Variants in CDC42BPA observed in about 807,000 individuals in gnomAD.
The protein encoded by CDC42BPA is CDC42 binding protein kinase alpha, also known as serine/threonine-protein kinase MRCK alpha.
A neutral mutation model predicts 223.5 loss-of-function variants in CDC42BPA; 80 were observed. The observed-to-expected ratio is 0.36, with a 90% CI of 0.30 to 0.43. The LOEUF (loss-of-function observed/expected upper bound fraction) is 0.43, where lower values mean the gene tolerates loss of function less well. CDC42BPA is among the 20% of genes least tolerant of loss of function. The pLI, the probability that CDC42BPA is intolerant of heterozygous loss-of-function variation, is 1.00. For missense variants in CDC42BPA, 1,743 were observed against 2,099.9 expected (o/e 0.83, Z 3.32); for synonymous variants, 694 against 718.6 (o/e 0.97, Z 0.55).
chr1:227,118,617 C>T (rs1688140152), intron 12 of CDC42BPA, among the ~76,000 whole-genome samples: 1 of 152,116 alleles, frequency 6.6e-6, no homozygotes, highest in East Asian at 1.9e-4. Flanking sequence ...CATCCTCTTT[C>T]CAAAGGGTTA....
intron 5 of CDC42BPA, among the ~76,000 whole-genome samples, chr1:227,178,990 C>T (rs61522132): frequency 6.6e-6 from 1 of 152,068 alleles, no homozygotes; most frequent in East Asian, 1.9e-4. Context: ...ACCAGGCAGT[C>T]TACCTGGTTG....
intron 21 of CDC42BPA, among the ~76,000 whole-genome samples, chr1:227,058,255 A>G (rs1011354619): frequency 6.6e-6 from 1 of 152,236 alleles, no homozygotes; most frequent in Non-Finnish European, 1.5e-5. Flanking sequence ...ATTAAGCTGT[A>G]ATCCGAAAAT....
intron 12 of CDC42BPA, among the ~76,000 whole-genome samples, chr1:227,117,674 T>C (rs1687982835): frequency 6.6e-6 from 1 of 152,130 alleles, no homozygotes; most frequent in Admixed American, 6.6e-5. Context: ...ATAGTTGAGA[T>C]ACAGACCTAA....
At chr1:227,026,325 A>C (rs1668242798) in intron 30 of CDC42BPA, among the ~76,000 whole-genome samples, 173 bp from the exon 31 acceptor site, 1 of 152,206 alleles carries the variant, frequency 6.6e-6, no homozygotes, top group South Asian at 2.1e-4. Flanking sequence ...CATATATCGT[A>C]AATGAGGAAC....
chr1:227,247,194 T>C (rs1026868410), intron 2 of CDC42BPA, among the ~76,000 whole-genome samples: 1 of 142,264 alleles, frequency 7.0e-6, no homozygotes, highest in Non-Finnish European at 1.5e-5. Context: ...AGCGAGACTT[T>C]GTCTCAAAAA....
At chr1:227,241,883 G>A (rs944055510) in intron 2 of CDC42BPA, among the ~76,000 whole-genome samples, 1 of 152,038 alleles carries the variant, frequency 6.6e-6, no homozygotes, top group Non-Finnish European at 1.5e-5. Context: ...AGGTCTTCTT[G>A]GCATTATTAA....
intron 11 of CDC42BPA, among the ~76,000 whole-genome samples, chr1:227,128,524 T>C (rs1033100855): frequency 6.6e-6 from 1 of 152,120 alleles, no homozygotes; most frequent in Non-Finnish European, 1.5e-5. Context: ...TAATGTTGAA[T>C]CCCAAGAGCC....
At chr1:227,011,813 G>A (rs116735666) in intron 34 of CDC42BPA, among the ~76,000 whole-genome samples, 210 of 152,270 alleles carry the variant, frequency 1.4e-3, no homozygotes, top group African/African-American at 4.0e-3. Context: ...TCACTCAGTA[G>A]CCAGTCACCT....
intron 1 of CDC42BPA, among the ~76,000 whole-genome samples, chr1:227,276,256 C>A (rs1687003287): frequency 6.6e-6 from 1 of 151,852 alleles, no homozygotes; most frequent in African/African-American, 2.4e-5. Context: ...CGGCCGCGAC[C>A]CCGTCTGGGA....
intron 15 of CDC42BPA, among the ~76,000 whole-genome samples, chr1:227,092,251 T>C (rs938937946): frequency 1.3e-4 from 20 of 152,200 alleles, no homozygotes; most frequent in Admixed American, 6.5e-5. Flanking sequence ...AAGGAATTGT[T>C]GCAGGTCTTG....
At chr1:227,108,772 C>T (rs1387993964) in intron 14 of CDC42BPA, among the ~76,000 whole-genome samples, 3 of 152,212 alleles carry the variant, frequency 2.0e-5, no homozygotes, top group East Asian at 1.9e-4. Context: ...TATTGCTAAA[C>T]GACAGGGATA....
intron 5 of CDC42BPA, among the ~76,000 whole-genome samples, chr1:227,166,025 G>A (rs1333693184): frequency 1.3e-5 from 2 of 152,088 alleles, no homozygotes; most frequent in Non-Finnish European, 2.9e-5. Context: ...TCTGCAGTCC[G>A]CAATATATTT....
intron 14 of CDC42BPA, among the ~76,000 whole-genome samples, chr1:227,109,400 C>G (rs1335819307): frequency 2.6e-5 from 4 of 152,060 alleles, no homozygotes; most frequent in Non-Finnish European, 5.9e-5. Flanking sequence ...GAGTCTCACT[C>G]TGTCACCCAG....
At position 227,073,876 on chromosome 1, in the gene CDC42BPA, A is replaced by C. The variant is rs1678938254; in HGVS notation, c.2723T>G (p.Ile908Ser). Residue 908 changes from isoleucine (I) to serine (S), a missense_variant, in exon 19 of 37, where the codon ATC (isoleucine) becomes AGC (serine). Ile to Ser is a moderately radical substitution (Grantham distance 142, BLOSUM62 -2). Coordinates refer to ENST00000366766, the MANE Select transcript of CDC42BPA (RefSeq NM_001394014.1). ...GATTCAATCTTACCATTCTGTTATG[A>C]TATTAGATGCTTTAACTTTATTCAA... ...EELNKVKASN[I>S]ITECKLKDSE... is the part of the protein sequence containing the mutation. The C allele has an allele frequency of 6.3e-7, 1 of 1,595,490 alleles. No homozygotes were observed. Among genetic ancestry groups the C allele is most frequent in the Non-Finnish European group, 8.5e-7 (1 of 1,174,008 alleles).
intron 1 of CDC42BPA, among the ~76,000 whole-genome samples, chr1:227,264,471 G>A (rs1184710175): frequency 6.6e-6 from 1 of 150,794 alleles, no homozygotes; most frequent in East Asian, 1.9e-4. Flanking sequence ...CATTTCAATG[G>A]CTATATTTTC....
intron 22 of CDC42BPA, among the ~76,000 whole-genome samples, chr1:227,049,741 C>T (rs899464608): frequency 2.6e-5 from 4 of 152,042 alleles, no homozygotes; most frequent in African/African-American, 9.7e-5. Flanking sequence ...CCAAACAGAT[C>T]CATGCATATA....
intron 5 of CDC42BPA, among the ~76,000 whole-genome samples, chr1:227,188,018 C>T (rs1043909076): frequency 5.3e-5 from 8 of 151,826 alleles, no homozygotes; most frequent in Admixed American, 2.0e-4. Context: ...TTGAAAAGTT[C>T]TTCAAAAAGA....
intron 10 of CDC42BPA, among the ~76,000 whole-genome samples, chr1:227,135,464 T>C (rs1045077565): frequency 6.6e-6 from 1 of 152,008 alleles, no homozygotes; most frequent in Non-Finnish European, 1.5e-5. Context: ...AAATCTCCCA[T>C]AGTTTAGGAA....
intron 3 of CDC42BPA, among the ~76,000 whole-genome samples, chr1:227,204,144 T>A (rs1046636984): frequency 2.0e-5 from 3 of 152,212 alleles, no homozygotes; most frequent in African/African-American, 7.2e-5. Flanking sequence ...GAACAACATT[T>A]TTCATTTTTA....
Sources: gnomAD v4.1 joint callset for allele counts (sites outside exome capture counted in the v4.1 genomes callset) on GRCh38, gnomAD v4.1.1 for gene constraint, MANE v1.5 for transcripts, NCBI Gene and HGNC (gene_info 2026-07-23, HGNC 2026-07-21) for gene names.